BLTP1: variants seen among roughly 807,000 people sequenced by gnomAD.
The protein encoded by BLTP1 is bridge-like lipid transfer protein family member 1.
the BLTP1 span, among the ~76,000 whole-genome samples, chr4:122,169,315 A>G: frequency 6.6e-6 from 1 of 152,206 alleles, no homozygotes; most frequent in African/African-American, 2.4e-5. Context: ...AAACAGGTTT[A>G]GAAAGTTAAG....
At chr4:122,233,630 C>T in the BLTP1 span, among the ~76,000 whole-genome samples, 1 of 152,092 alleles carries the variant, frequency 6.6e-6, no homozygotes, top group Non-Finnish European at 1.5e-5. Flanking sequence ...CTCAAGCTCT[C>T]CCTCATCTTA....
At chr4:122,255,142 A>G in the BLTP1 span, 7 of 1,603,366 alleles carry the variant, frequency 4.4e-6, no homozygotes, top group South Asian at 2.2e-5. Context: ...ATAAAAGTGT[A>G]CATTTTCCCC....
the BLTP1 span, chr4:122,156,092 T>A: frequency 2.7e-6 from 1 of 374,658 alleles, no homozygotes; most frequent in Non-Finnish European, 3.7e-6. Flanking sequence ...GGAAGAACAG[T>A]AGATTGGGGA....
At chr4:122,249,470 C>T in the BLTP1 span, 4 of 1,607,476 alleles carry the variant, frequency 2.5e-6, no homozygotes, top group Non-Finnish European at 3.4e-6. Flanking sequence ...TCATTTTGCT[C>T]TCTTTTGATA....
the BLTP1 span, chr4:122,200,365 G>A: frequency 1.4e-5 from 11 of 774,334 alleles, no homozygotes; most frequent in Non-Finnish European, 1.4e-5. Flanking sequence ...ATCACTTGAG[G>A]TCAGGAGTTC....
the BLTP1 span, among the ~76,000 whole-genome samples, chr4:122,220,869 T>C: frequency 6.6e-6 from 1 of 152,204 alleles, no homozygotes; most frequent in Non-Finnish European, 1.5e-5. Context: ...ACATGATCAA[T>C]GATTTATTCT....
At chr4:122,251,238 A>C in the BLTP1 span, 1 of 870,200 alleles carries the variant, frequency 1.1e-6, no homozygotes, top group Non-Finnish European at 1.4e-6. Flanking sequence ...TGAAGGGCTT[A>C]GCTCAGTATG....
chr4:122,192,030 A>G, the BLTP1 span: 1 of 166,418 alleles, frequency 6.0e-6, no homozygotes, highest in African/African-American at 2.4e-5. Flanking sequence ...ATTTTTTAAA[A>G]TTGCTAAATT....
At chr4:122,224,894 G>GT in the BLTP1 span, 1 of 1,408,092 alleles carries the variant, frequency 7.1e-7, no homozygotes, top group East Asian at 2.8e-5. Context: ...GGTGTAATGT[G>GT]TGTAGACCTA....
chr4:122,324,244 C>T, the BLTP1 span: 89 of 224,532 alleles, frequency 4.0e-4, no homozygotes, highest in African/African-American at 2.1e-3. Context: ...CATTGCGCCT[C>T]CTAATTGGTG....
At chr4:122,292,386 C>G in the BLTP1 span, 7 of 838,438 alleles carry the variant, frequency 8.3e-6, no homozygotes, top group Non-Finnish European at 1.0e-5. Context: ...ATTCACAAAG[C>G]TCTAGACATT....
the BLTP1 span, among the ~76,000 whole-genome samples, chr4:122,252,182 C>T: frequency 6.6e-6 from 1 of 152,124 alleles, no homozygotes; most frequent in Non-Finnish European, 1.5e-5. Context: ...CTTGGGTGAC[C>T]CTCTACGATG....
chr4:122,289,485 T>A, the BLTP1 span: 1 of 983,430 alleles, frequency 1.0e-6, no homozygotes, highest in Non-Finnish European at 1.2e-6. Context: ...TTAATCATAC[T>A]CATTTGGGAA....
the BLTP1 span, among the ~76,000 whole-genome samples, chr4:122,268,558 T>C: frequency 2.0e-5 from 3 of 152,198 alleles, no homozygotes; most frequent in Non-Finnish European, 4.4e-5. Flanking sequence ...TTTTTCTGGC[T>C]AGATATTAAG....
At chr4:122,179,292 A>G in the BLTP1 span, among the ~76,000 whole-genome samples, 3 of 152,062 alleles carry the variant, frequency 2.0e-5, no homozygotes, top group Non-Finnish European at 4.4e-5. Context: ...TAAATAAATA[A>G]ATAGATAAAT....
At chr4:122,254,242 G>A in the BLTP1 span, 1 of 1,612,376 alleles carries the variant, frequency 6.2e-7, no homozygotes, top group South Asian at 1.1e-5. Context: ...TACCTCTGAT[G>A]CCTCCTCCTC....
At chr4:122,192,421 AT>A in the BLTP1 span, 1 of 1,247,722 alleles carries the variant, frequency 8.0e-7, no homozygotes, top group Non-Finnish European at 1.1e-6. Flanking sequence ...TTTTAGATGT[AT>A]TTAGATGTAT....
the BLTP1 span, chr4:122,167,687 A>G: frequency 1.0e-6 from 1 of 985,376 alleles, no homozygotes; most frequent in Non-Finnish European, 1.2e-6. Flanking sequence ...AGGTGCTGCC[A>G]CTACTCCACA....
chr4:122,189,580 G>C, the BLTP1 span: 1 of 849,796 alleles, frequency 1.2e-6, no homozygotes, highest in South Asian at 5.4e-5. Context: ...ATATTAAGTG[G>C]TCAAATTTTA....
Sources: allele counts gnomAD v4.1 joint callset (sites outside exome capture counted in the v4.1 genomes callset), GRCh38; gene constraint gnomAD v4.1.1; transcripts MANE v1.5; gene names NCBI Gene and HGNC (gene_info 2026-07-23, HGNC 2026-07-21).